NUMB: variants seen among roughly 807,000 people sequenced by gnomAD.
The protein encoded by NUMB is NUMB endocytic adaptor protein, also known as protein numb homolog.
In NUMB, 29 loss-of-function variants were observed where a neutral mutation model predicts 59.7. That is an observed-to-expected ratio of 0.49 (90% CI 0.36 to 0.66). NUMB has a LOEUF of 0.66. Among genes scored for constraint, NUMB ranks in the 30% least tolerant of loss-of-function variants. The pLI is 0.00. For missense variants in NUMB, 723 were observed against 822.0 expected (o/e 0.88, Z 1.47); for synonymous variants, 288 against 288.2 (o/e 1.00, Z 0.01).
intron 6 of NUMB, among the ~76,000 whole-genome samples, chr14:73,314,861 C>T (rs1367625190): frequency 6.6e-6 from 1 of 151,928 alleles, no homozygotes; most frequent in Non-Finnish European, 1.5e-5. Flanking sequence ...AACAAATACA[C>T]CACAAAAAGT....
At chr14:73,343,528 G>C (rs1340567845) in intron 4 of NUMB, among the ~76,000 whole-genome samples, 2 of 152,172 alleles carry the variant, frequency 1.3e-5, no homozygotes, top group African/African-American at 4.8e-5. Flanking sequence ...AAAATACAAA[G>C]TAATCGCTTC....
intron 4 of NUMB, among the ~76,000 whole-genome samples, chr14:73,339,528 G>T (rs976120854): frequency 4.6e-5 from 7 of 152,142 alleles, no homozygotes; most frequent in African/African-American, 1.7e-4. Flanking sequence ...TTCAGTGAGG[G>T]ATTTCCTAAC....
chr14:73,395,087 G>GTT (rs1896063839), intron 2 of NUMB, among the ~76,000 whole-genome samples: 2 of 141,136 alleles, frequency 1.4e-5, no homozygotes, highest in African/African-American at 5.8e-5. Flanking sequence ...GTGTGTGTGT[G>GTT]TGTGTTACAT....
intron 10 of NUMB, among the ~76,000 whole-genome samples, chr14:73,283,089 C>A (rs1435732066): frequency 6.6e-6 from 1 of 152,134 alleles, no homozygotes; most frequent in Admixed American, 6.5e-5. Context: ...GACGCTAGGG[C>A]CTTTATTCTT....
intron 1 of NUMB, among the ~76,000 whole-genome samples, chr14:73,429,778 A>T (rs375083364): frequency 2.6e-5 from 4 of 152,054 alleles, no homozygotes; most frequent in Non-Finnish European, 4.4e-5. Flanking sequence ...CCCCGTCTCT[A>T]CTAAAAATAC....
At chr14:73,309,803 T>C (rs1890676209) in intron 6 of NUMB, among the ~76,000 whole-genome samples, 1 of 150,276 alleles carries the variant, frequency 6.7e-6, no homozygotes, top group Non-Finnish European at 1.5e-5. Flanking sequence ...CAAGTTGTCA[T>C]AGAGGAGAAA....
In NUMB at chr14:73,429,628, A is replaced by C. The variant is rs117928809; in HGVS notation, c.-232-19560T>G. Among the ~76,000 whole-genome samples, 1,039 of 152,186 alleles carry C rather than the reference A, an allele frequency of 6.8e-3. 5 individuals carry two copies. The highest frequency in any genetic ancestry group is 0.03 in the South Asian group (144 of 4,818). On this transcript the variant is annotated intron_variant, in intron 1 of 12. Transcript: ENST00000555238. ...GCAATTACGAGTTTGGTGCAAAAGT[A>C]GTTGTGTTTTTTGCCATTAAAATGG...
intron 6 of NUMB, among the ~76,000 whole-genome samples, chr14:73,303,745 G>A (rs1890273449): frequency 6.6e-6 from 1 of 151,864 alleles, no homozygotes; most frequent in Non-Finnish European, 1.5e-5. Context: ...AATTCACACT[G>A]ACAAATGTAT....
In NUMB at chr14:73,451,519, G is replaced by A. The variant is rs111306982; in HGVS notation, c.-233+6974C>T. On this transcript the variant is annotated intron_variant, in intron 1 of 12. Transcript: ENST00000555238. The stretch of plus-strand genomic sequence containing the variant: ...AGTCCCAGCTACTCGGTAGCCTGAC[G>A]CAGGACAATTGCTTGAACCTGGGAG... Among the ~76,000 whole-genome samples the A allele has an allele frequency of 4.0e-3, 614 of 151,712 alleles. 5 individuals are homozygous for A. Among genetic ancestry groups the A allele is most frequent in the Non-Finnish European group, 5.1e-3 (349 of 67,976 alleles).
At chr14:73,422,920 A>AC (rs1480720233) in intron 1 of NUMB, among the ~76,000 whole-genome samples, 1 of 151,896 alleles carries the variant, frequency 6.6e-6, no homozygotes, top group Non-Finnish European at 1.5e-5. Flanking sequence ...AAAAAAAAAA[A>AC]AAAAACTGTT....
intron 4 of NUMB, among the ~76,000 whole-genome samples, chr14:73,341,379 G>T (rs529278380): frequency 1.7e-4 from 26 of 150,894 alleles, no homozygotes; most frequent in Non-Finnish European, 2.5e-4. Flanking sequence ...AAGGGTCAAA[G>T]GTAGAAGGAT....
At chr14:73,396,562 G>C (rs1175847189) in intron 2 of NUMB, among the ~76,000 whole-genome samples, 1 of 151,824 alleles carries the variant, frequency 6.6e-6, no homozygotes, top group Admixed American at 6.6e-5. Context: ...GAGAAACGAG[G>C]CCTTGCTATG....
chr14:73,310,719 T>C (rs1890734855), intron 6 of NUMB, among the ~76,000 whole-genome samples: 1 of 151,678 alleles, frequency 6.6e-6, no homozygotes, highest in African/African-American at 2.4e-5. Context: ...AATGGCAAAT[T>C]AGAAAGTAGG....
chr14:73,291,809 G>A (rs542626243), intron 8 of NUMB, among the ~76,000 whole-genome samples: 46 of 150,698 alleles, frequency 3.1e-4, no homozygotes, highest in East Asian at 7.8e-4. Flanking sequence ...TCAGCCTCCC[G>A]AGTAGCTGGG....
chr14:73,382,655 CAAT>C (rs1484354421), intron 2 of NUMB, among the ~76,000 whole-genome samples: 1 of 152,242 alleles, frequency 6.6e-6, no homozygotes, highest in East Asian at 1.9e-4. Flanking sequence ...CATATTACAA[CAAT>C]GTCATCTACT....
chr14:73,453,903 G>A lies in NUMB; in HGVS notation c.-233+4590C>T, dbSNP rs374920938. Among the ~76,000 whole-genome samples, 585 of 152,090 alleles carry A rather than the reference G, an allele frequency of 3.8e-3. 3 individuals are homozygous for A. The highest frequency in any genetic ancestry group is 0.013 in the African/African-American group (537 of 41,514). ...ATTAAAGGCATGAGCCGCCGCACCCGGCCCCTTAAACAAATTTTCTTTGCC... is the reference window on the plus strand; with the variant it reads ...ATTAAAGGCATGAGCCGCCGCACCCAGCCCCTTAAACAAATTTTCTTTGCC... On this transcript the variant is annotated intron_variant, in intron 1 of 12. Coordinates refer to ENST00000555238, the MANE Select transcript of NUMB (RefSeq NM_001005743.2).
chr14:73,398,413 A>AGTGTGTGTGTGT lies in NUMB; in HGVS notation c.-101+11523_-101+11524insACACACACACAC, dbSNP rs1452367894. ...CACACAGAGAGAGAGAGAGAGAGAG[A>AGTGTGTGTGTGT]GAGTGTGTGTGTGTGTGTGTGTGTG... On this transcript the variant is annotated intron_variant, in intron 2 of 12. Transcript: ENST00000555238. 9.3e-5 allele frequency among the ~76,000 whole-genome samples: 11 copies of AGTGTGTGTGTGT among 117,770 alleles called. No individual in the cohort carries two copies. The East Asian group carries it at 1.6e-3, about 17-fold the overall frequency. The allele number at this position is 117,770 out of a possible 152,430, so 77.3% of individuals were successfully genotyped here.
chr14:73,385,698 C>T (rs113743638), intron 2 of NUMB, among the ~76,000 whole-genome samples: 8 of 151,756 alleles, frequency 5.3e-5, no homozygotes, highest in Admixed American at 2.0e-4. Flanking sequence ...GACTGGGTTT[C>T]GTCATGTTGG....
chr14:73,400,832 T>C (rs1896375177), intron 2 of NUMB, among the ~76,000 whole-genome samples: 1 of 152,208 alleles, frequency 6.6e-6, no homozygotes, highest in Admixed American at 6.5e-5. Flanking sequence ...GAAGAAGGCA[T>C]GGCATGCCCC....
Sources: allele counts gnomAD v4.1 joint callset (sites outside exome capture counted in the v4.1 genomes callset), GRCh38; gene constraint gnomAD v4.1.1; transcripts MANE v1.5; gene names NCBI Gene and HGNC (gene_info 2026-07-23, HGNC 2026-07-21).